The following TMCC1 variants were observed in gnomAD, a reference collection of about 807,000 sequenced individuals.
The protein encoded by TMCC1 is transmembrane and coiled-coil domain family 1, also known as transmembrane and coiled-coil domains protein 1.
A neutral mutation model predicts 52.4 loss-of-function variants in TMCC1; 15 were observed. That is an observed-to-expected ratio of 0.29 (90% CI 0.19 to 0.44). The LOEUF is 0.44. TMCC1 is among the 20% of genes least tolerant of loss of function. The pLI, the probability that TMCC1 is intolerant of heterozygous loss-of-function variation, is 1.00. For synonymous variants in TMCC1, 279 were observed against 301.9 expected (o/e 0.92, Z 0.79); for missense variants, 503 against 806.0 (o/e 0.62, Z 4.55).
At chr3:129,777,554 C>T (rs933955093) in intron 4 of TMCC1, among the ~76,000 whole-genome samples, 1 of 152,160 alleles carries the variant, frequency 6.6e-6, no homozygotes, top group Non-Finnish European at 1.5e-5. Flanking sequence ...TAATGTGACT[C>T]CCAATCCCAG....
chr3:129,687,943 C>T (rs778596392), intron 4 of TMCC1, among the ~76,000 whole-genome samples: 3 of 152,196 alleles, frequency 2.0e-5, no homozygotes, highest in Non-Finnish European at 4.4e-5. Flanking sequence ...GCATTCTTTG[C>T]TCTGGAAATT....
chr3:129,790,079 G>C (rs909796504), intron 4 of TMCC1, among the ~76,000 whole-genome samples: 2 of 152,012 alleles, frequency 1.3e-5, no homozygotes, highest in African/African-American at 2.4e-5. Flanking sequence ...AAATAGAACA[G>C]GAAGAAAATA....
chr3:129,682,188 T>A (rs1194695627), intron 4 of TMCC1, among the ~76,000 whole-genome samples: 1 of 152,108 alleles, frequency 6.6e-6, no homozygotes, highest in Non-Finnish European at 1.5e-5. Context: ...TGGCTATTCA[T>A]GGGCGTGATC....
chr3:129,858,322 C>T (rs1016888735), intron 2 of TMCC1, among the ~76,000 whole-genome samples: 4 of 152,234 alleles, frequency 2.6e-5, no homozygotes, highest in Non-Finnish European at 5.9e-5. Flanking sequence ...TAGAATCAGT[C>T]ACAGAATTAC....
In TMCC1 at chr3:129,833,564, T is replaced by C. The variant is rs1383364100; in HGVS notation, c.-183-738A>G. 2.6e-5 allele frequency among the ~76,000 whole-genome samples: 4 copies of C among 152,018 alleles called. No homozygotes were observed. The South Asian group carries it at 6.2e-4, about 24-fold the overall frequency. ...TAGCCTGGGAGCAAAAGCGAGACCC[T>C]GTCTCAATTTTAAAACAACAACAAC... On this transcript the variant is annotated intron_variant, in intron 2 of 6. Transcript: ENST00000393238.
At chr3:129,654,050 C>G (rs1365155567) in intron 6 of TMCC1, among the ~76,000 whole-genome samples, 1 of 152,144 alleles carries the variant, frequency 6.6e-6, no homozygotes, top group Non-Finnish European at 1.5e-5. Flanking sequence ...AAAAAAGTGT[C>G]TGTTCTCCTC....
At chr3:129,831,262 T>C (rs2058898937) in intron 3 of TMCC1, among the ~76,000 whole-genome samples, 1 of 152,164 alleles carries the variant, frequency 6.6e-6, no homozygotes, top group African/African-American at 2.4e-5. Flanking sequence ...TAATTCAAAA[T>C]GATGATTGAT....
intron 2 of TMCC1, among the ~76,000 whole-genome samples, chr3:129,874,156 T>C (rs2061071333): frequency 6.6e-6 from 1 of 152,170 alleles, no homozygotes; most frequent in Non-Finnish European, 1.5e-5. Context: ...TTTCTATGGT[T>C]TCAACATCTG....
At chr3:129,737,997 G>A (rs746977586) in intron 4 of TMCC1, among the ~76,000 whole-genome samples, 1 of 151,900 alleles carries the variant, frequency 6.6e-6, no homozygotes, top group Non-Finnish European at 1.5e-5. Flanking sequence ...TCAGCCAGGC[G>A]CAGTGTTTCA....
At chr3:129,783,409 C>G (rs182070501) in intron 4 of TMCC1, among the ~76,000 whole-genome samples, 2 of 152,158 alleles carry the variant, frequency 1.3e-5, no homozygotes, top group Admixed American at 1.3e-4. Flanking sequence ...GAAAACTTTC[C>G]AATAGTCAGT....
At chr3:129,669,308 G>C (rs2087722783) in intron 5 of TMCC1, among the ~76,000 whole-genome samples, 2 of 152,144 alleles carry the variant, frequency 1.3e-5, no homozygotes, top group African/African-American at 4.8e-5. Context: ...TAATAATCGG[G>C]ACAGGGCCAG....
chr3:129,884,210 C>A (rs77661207), intron 1 of TMCC1, among the ~76,000 whole-genome samples: 1,619 of 152,096 alleles, frequency 0.011, 12 homozygotes, highest in Non-Finnish European at 0.017. Flanking sequence ...TACAAAAGAA[C>A]AAAGAGCACC....
intron 4 of TMCC1, among the ~76,000 whole-genome samples, chr3:129,694,992 GA>G (rs2047293727): frequency 6.7e-6 from 1 of 150,038 alleles, no homozygotes; most frequent in South Asian, 2.1e-4. Flanking sequence ...AGATATTTGG[GA>G]GGCTGAGATG....
intron 4 of TMCC1, among the ~76,000 whole-genome samples, chr3:129,775,667 G>A (rs939691166): frequency 6.6e-6 from 1 of 152,056 alleles, no homozygotes; most frequent in Non-Finnish European, 1.5e-5. Context: ...TGTCAAGTAG[G>A]CAACTGGTTC....
intron 5 of TMCC1, among the ~76,000 whole-genome samples, chr3:129,663,634 T>C (rs997674784): frequency 1.3e-4 from 20 of 152,142 alleles, no homozygotes; most frequent in Non-Finnish European, 2.5e-4. Context: ...TCCCCCACAA[T>C]ATTTCAAGGG....
chr3:129,684,316 G>A (rs1283343832), intron 4 of TMCC1, among the ~76,000 whole-genome samples: 1 of 152,214 alleles, frequency 6.6e-6, no homozygotes, highest in African/African-American at 2.4e-5. Context: ...CAAATTGAAT[G>A]CTTAAGCCTC....
At chr3:129,722,266 T>C (rs2049675853) in intron 4 of TMCC1, among the ~76,000 whole-genome samples, 5 of 152,170 alleles carry the variant, frequency 3.3e-5, no homozygotes, top group Admixed American at 2.6e-4. Flanking sequence ...CAGCTTCTCA[T>C]AGGAGCACAA....
chr3:129,877,678 G>C (rs1239093297), intron 2 of TMCC1, among the ~76,000 whole-genome samples: 1 of 148,276 alleles, frequency 6.7e-6, no homozygotes, highest in African/African-American at 2.5e-5. Flanking sequence ...ACCCAGGCTG[G>C]AGTGCAGTGG....
intron 4 of TMCC1, among the ~76,000 whole-genome samples, chr3:129,763,542 C>CA (rs11354197): frequency 0.052 from 2,336 of 44,572 alleles, 295 homozygotes; most frequent in Non-Finnish European, 0.071. Context: ...GACCCTGTCT[C>CA]AAAAAAAAAA....
Sources: gnomAD v4.1 joint callset for allele counts (sites outside exome capture counted in the v4.1 genomes callset) on GRCh38, gnomAD v4.1.1 for gene constraint, MANE v1.5 for transcripts, NCBI Gene and HGNC (gene_info 2026-07-23, HGNC 2026-07-21) for gene names.